KLHL2: variants seen among roughly 807,000 people sequenced by gnomAD.
KLHL2 encodes kelch-like protein 2.
Under a neutral mutation model 75.8 loss-of-function variants are expected in KLHL2, and 15 were observed. The observed-to-expected ratio is 0.20, with a 90% CI of 0.13 to 0.30. The LOEUF is 0.30. Ranked by LOEUF, KLHL2 falls within the 10% of genes least tolerant of loss-of-function variation. The probability of loss-of-function intolerance (pLI) is 1.00; values close to 1 mark genes in which losing one functional copy is unlikely to be tolerated. For synonymous variants in KLHL2, 214 were observed against 251.9 expected, an observed-to-expected ratio of 0.85 and a Z score of 1.42; for missense variants, 381 against 741.0, an observed-to-expected ratio of 0.51 and a Z score of 5.64.
In KLHL2 at chr4:165,305,732, A is replaced by C. The variant is rs746988080; in HGVS notation, c.1039+7A>C. 62 of 1,560,410 alleles carry C rather than the reference A, an allele frequency of 4.0e-5. No homozygotes were observed. Among genetic ancestry groups the C allele is most frequent in the African/African-American group, 5.4e-5 (4 of 73,860 alleles). Reference sequence around the variant, plus strand: ...TCCAGGAGGTGCAGGGCAGGTAAGCATGATGCATCATGGTCAATTCTCTAC... The same window carrying C: ...TCCAGGAGGTGCAGGGCAGGTAAGCCTGATGCATCATGGTCAATTCTCTAC... On this transcript the variant is annotated splice_region_variant and intron_variant, in intron 9 of 14. Coordinates refer to ENST00000226725, the MANE Select transcript of KLHL2 (RefSeq NM_007246.4).
intron 2 of KLHL2, among the ~76,000 whole-genome samples, chr4:165,227,685 G>A (rs1280642691): frequency 2.6e-5 from 4 of 152,094 alleles, no homozygotes; most frequent in African/African-American, 9.7e-5. Context: ...TTTAGGCTTT[G>A]GAGCCTTTTT....
chr4:165,217,554 C>T (rs1240540823), intron 1 of KLHL2, among the ~76,000 whole-genome samples: 4 of 152,122 alleles, frequency 2.6e-5, no homozygotes, highest in African/African-American at 4.8e-5. Flanking sequence ...TAAAGCCTTG[C>T]GCTAATTCAT....
Position 165,310,955 on chromosome 4 carries a change from T to C in KLHL2, c.1237+205T>C, listed in dbSNP as rs556883804. Among the ~76,000 whole-genome samples the C allele has an allele frequency of 8.9e-4, 135 of 151,008 alleles. 1 individual carries two copies. Among genetic ancestry groups the C allele is most frequent in the East Asian group, 4.5e-3 (23 of 5,096 alleles). On this transcript the variant is annotated intron_variant, in intron 10 of 14. Coordinates refer to ENST00000226725, the MANE Select transcript of KLHL2 (RefSeq NM_007246.4). ...CTGCAAGCTCCGCCTGCCGGGTTCA[T>C]GCCATTCTCCTGCCTCAGCCTCCCG...
chr4:165,301,935 C>T (rs1745381979), intron 8 of KLHL2, among the ~76,000 whole-genome samples: 1 of 151,994 alleles, frequency 6.6e-6, no homozygotes, highest in South Asian at 2.1e-4. Context: ...CGGTAAAAGC[C>T]TATCAAGTAC....
intron 4 of KLHL2, among the ~76,000 whole-genome samples, chr4:165,259,980 G>A (rs977715033): frequency 1.1e-4 from 16 of 151,740 alleles, no homozygotes; most frequent in Non-Finnish European, 2.2e-4. Context: ...TTTGATCATG[G>A]GATGTGGTTC....
At chr4:165,221,978 T>C (rs1162829365) in intron 2 of KLHL2, among the ~76,000 whole-genome samples, 2 of 152,132 alleles carry the variant, frequency 1.3e-5, no homozygotes, top group Non-Finnish European at 2.9e-5. Flanking sequence ...TTTTTTCTCT[T>C]TGAGAAGTCT....
intron 8 of KLHL2, among the ~76,000 whole-genome samples, chr4:165,302,219 T>G (rs771335571): frequency 2.0e-5 from 3 of 152,228 alleles, no homozygotes; most frequent in Non-Finnish European, 2.9e-5. Flanking sequence ...TGTGTTTGTT[T>G]ATCCACACAT....
At chr4:165,245,720 T>C (rs1449081424) in intron 4 of KLHL2, among the ~76,000 whole-genome samples, 1 of 152,156 alleles carries the variant, frequency 6.6e-6, no homozygotes, top group Non-Finnish European at 1.5e-5. Context: ...AGGACCGAAT[T>C]GAACTGCACT....
At chr4:165,283,390 G>C (rs1371298414) in intron 5 of KLHL2, among the ~76,000 whole-genome samples, 1 of 152,218 alleles carries the variant, frequency 6.6e-6, no homozygotes, top group African/African-American at 2.4e-5. Flanking sequence ...AGATACAATG[G>C]GGATACAAGC....
chr4:165,281,093 G>A (rs1373539316), intron 5 of KLHL2, among the ~76,000 whole-genome samples: 2 of 152,094 alleles, frequency 1.3e-5, no homozygotes, highest in African/African-American at 4.8e-5. Context: ...CTATTCAAAT[G>A]GGACTTTGCA....
At chr4:165,246,930 G>A (rs1394172053) in intron 4 of KLHL2, among the ~76,000 whole-genome samples, 1 of 152,060 alleles carries the variant, frequency 6.6e-6, no homozygotes, top group Non-Finnish European at 1.5e-5. Flanking sequence ...ACATAATCTG[G>A]GGCATTCCAG....
chr4:165,309,193 C>T (rs985359534), intron 9 of KLHL2, among the ~76,000 whole-genome samples: 14 of 152,210 alleles, frequency 9.2e-5, no homozygotes, highest in African/African-American at 2.2e-4. Context: ...ATATTATAGA[C>T]GGTACATTTA....
At chr4:165,283,337 C>T (rs7699241) in intron 5 of KLHL2, among the ~76,000 whole-genome samples, 21,011 of 152,200 alleles carry the variant, frequency 0.14, 1,768 homozygotes, top group African/African-American at 0.23. Context: ...AAGTCCCTTT[C>T]GCCTATGAGC....
intron 4 of KLHL2, among the ~76,000 whole-genome samples, chr4:165,261,768 G>T (rs59089770): frequency 2.6e-5 from 4 of 152,152 alleles, no homozygotes; most frequent in Admixed American, 1.3e-4. Context: ...GTTACAGAGA[G>T]ATGTGAATGA....
intron 5 of KLHL2, among the ~76,000 whole-genome samples, chr4:165,265,956 A>G (rs1015814598): frequency 3.9e-5 from 6 of 152,046 alleles, no homozygotes; most frequent in Non-Finnish European, 5.9e-5. Flanking sequence ...AAGCATTCCT[A>G]TTTCTCCACA....
intron 5 of KLHL2, among the ~76,000 whole-genome samples, chr4:165,281,338 T>G (rs1743663845): frequency 6.7e-6 from 1 of 148,570 alleles, no homozygotes; most frequent in African/African-American, 2.5e-5. Context: ...TTTATTGAGA[T>G]GGAGTCTCGC....
At chr4:165,209,969 G>C in intron 1 of KLHL2, 1 of 1,455,202 alleles carries the variant, frequency 6.9e-7, no homozygotes, top group Non-Finnish European at 9.1e-7. Context: ...CCGTGTGCCG[G>C]ATTTGAGACT....
chr4:165,245,315 C>G (rs1264998906), intron 4 of KLHL2, among the ~76,000 whole-genome samples: 1 of 152,146 alleles, frequency 6.6e-6, no homozygotes, highest in Admixed American at 6.5e-5. Context: ...AGAACCTGGC[C>G]TCAGGACTTT....
chr4:165,231,906 C>T (rs1297705856), intron 3 of KLHL2, among the ~76,000 whole-genome samples: 1 of 152,160 alleles, frequency 6.6e-6, no homozygotes, highest in East Asian at 1.9e-4. Context: ...TCTCCACATC[C>T]TTGCCAACAC....
Sources: gnomAD v4.1 joint callset for allele counts (sites outside exome capture counted in the v4.1 genomes callset) on GRCh38, gnomAD v4.1.1 for gene constraint, MANE v1.5 for transcripts, NCBI Gene and HGNC (gene_info 2026-07-23, HGNC 2026-07-21) for gene names.